The following TSPO2 variants were observed in gnomAD, a reference collection of about 807,000 sequenced individuals.
TSPO2 encodes benzodiazapine receptor (peripheral)-like 1.
TSPO2 carries 15 observed loss-of-function variants against 13.3 expected under a neutral mutation model. The observed-to-expected ratio is 1.13, with a 90% CI of 0.75 to 1.73. The LOEUF is 1.73. Ranked by LOEUF, TSPO2 falls within the 40% of genes most tolerant of loss-of-function variation. TSPO2 has a pLI of 0.00. For missense variants in TSPO2, 202 were observed against 198.3 expected, an observed-to-expected ratio of 1.02 and a Z score of -0.11; for synonymous variants, 81 against 91.6, an observed-to-expected ratio of 0.88 and a Z score of 0.66.
At position 41,043,483 on chromosome 6, in the gene TSPO2, T is replaced by A; in HGVS notation, c.174-74T>A. ...AGCCCACAAGGGTATCCAAGAGTCC[T>A]TATGCCAGAGAGCCTCCTCCATTTG... On this transcript the variant is annotated intron_variant, in intron 2 of 3. Coordinates refer to ENST00000373161, the MANE Select transcript of TSPO2 (RefSeq NM_001010873.3). 2.6e-6 allele frequency: 4 copies of A among 1,516,610 alleles called. No homozygotes were observed. The South Asian group carries it at 5.2e-5, about 20-fold the overall frequency. The allele number at this position is 1,516,610 out of a possible 1,614,324, so 93.9% of individuals were successfully genotyped here. A position where few individuals can be genotyped will look rare whatever the true frequency, so the allele number is the denominator to read the frequency against.
At chr6:41,043,811 C>G (rs566991951) in intron 3 of TSPO2, 113 bp downstream of exon 3, 1 of 1,529,252 alleles carries the variant, frequency 6.5e-7, no homozygotes, top group Non-Finnish European at 8.9e-7. Context: ...AATGGGTGGG[C>G]AGACTTCTCT....
intron 2 of TSPO2, 129 bp from the exon 3 acceptor site, chr6:41,043,428 A>G: frequency 4.8e-6 from 6 of 1,256,982 alleles, no homozygotes; most frequent in Non-Finnish European, 6.6e-6. Flanking sequence ...TGGCCCTTAC[A>G]TGATGCCTAA....
At chr6:41,042,429 G>T (rs1481821859), upstream of TSPO2, 6 of 274,942 alleles carry the variant, frequency 2.2e-5, no homozygotes, top group Non-Finnish European at 4.4e-5. Flanking sequence ...TGGGCCCCAT[G>T]AGTGTGCCAG....
At position 41,044,333 on chromosome 6, in the gene TSPO2, C is replaced by A. The variant is rs958391604; in HGVS notation, c.*196C>A. ...AAATAATAAAATCCTATTAGTAACTCTGAAGGTATGATGTGAAGTGTGTAT... is the reference window on the plus strand; with the variant it reads ...AAATAATAAAATCCTATTAGTAACTATGAAGGTATGATGTGAAGTGTGTAT... On this transcript the variant is annotated 3_prime_UTR_variant, in exon 4 of 4. Coordinates refer to ENST00000373161, the MANE Select transcript of TSPO2 (RefSeq NM_001010873.3). The A allele has an allele frequency of 3.3e-6, 2 of 602,378 alleles. No individual in the cohort carries two copies. The highest frequency in any genetic ancestry group is 5.6e-5 in the East Asian group (2 of 35,606). 37.3% of individuals were successfully genotyped at this position (602,378 alleles called of 1,614,324 possible). A position where few individuals can be genotyped will look rare whatever the true frequency, so the allele number is the denominator to read the frequency against.
At chr6:41,043,286 T>A (rs1718293558) in intron 2 of TSPO2, 128 bp downstream of exon 2, 6 of 1,200,304 alleles carry the variant, frequency 5.0e-6, no homozygotes, top group Non-Finnish European at 1.2e-6. Context: ...ACCACCATAG[T>A]GGGTCCTCCA....
intron 1 of TSPO2, 42 bp downstream of exon 1, chr6:41,042,820 G>C (rs969947421): frequency 2.2e-5 from 17 of 780,484 alleles, no homozygotes; most frequent in Non-Finnish European, 3.1e-5. Flanking sequence ...TACAGGACTG[G>C]AGCTGGGCCA....
chr6:41,042,524 C>A lies in TSPO2; in HGVS notation c.-275C>A, dbSNP rs1350869731. On this transcript the variant is annotated 5_prime_UTR_variant, in exon 1 of 4. Transcript: ENST00000373161. ...GTCCCCAGGAATTTCTGGCTCCTGC[C>A]TTCAGATTGTGAACTTTCCAGGTTG... is the stretch of plus-strand genomic sequence containing the variant. 8.6e-6 allele frequency: 3 copies of A among 348,118 alleles called. No individual in the cohort carries two copies. Among genetic ancestry groups the A allele is most frequent in the Non-Finnish European group, 1.7e-5 (3 of 176,058 alleles). 21.6% of individuals were successfully genotyped at this position (348,118 alleles called of 1,614,324 possible).
rs763921799 is a variant in TSPO2, at chr6:41,043,932, A to G, written c.316-8A>G. On this transcript the variant is annotated splice_region_variant and splice_polypyrimidine_tract_variant and intron_variant, in intron 3 of 3. Transcript: ENST00000373161. The stretch of plus-strand genomic sequence containing the variant: ...GGCAGCCAGCTGACCCCCGGCCTCT[A>G]TGCCCAGGCCCTGCTGCACCTGCTG... 3 of 1,611,938 alleles carry G rather than the reference A, an allele frequency of 1.9e-6. No homozygotes were observed. In the East Asian group the frequency reaches 6.7e-5, roughly 36 times the overall value.
intron 3 of TSPO2, 95 bp from the exon 4 acceptor site, chr6:41,043,845 C>T: frequency 6.5e-7 from 1 of 1,529,410 alleles, no homozygotes; most frequent in East Asian, 2.3e-5. Context: ...GTGCACAGAG[C>T]CCCAGGGACT....
chr6:41,043,551 C>A lies in TSPO2; in HGVS notation c.174-6C>A, dbSNP rs1762624509. The A allele has an allele frequency of 6.4e-7, 1 of 1,570,282 alleles. No individual in the cohort carries two copies. Among genetic ancestry groups the A allele is most frequent in the African/African-American group, 1.4e-5 (1 of 73,108 alleles). On this transcript the variant is annotated splice_polypyrimidine_tract_variant and splice_region_variant and intron_variant, in intron 2 of 3. Coordinates refer to ENST00000373161, the MANE Select transcript of TSPO2 (RefSeq NM_001010873.3). ...ACTGAATGTTTTTGCCACCATGTCT[C>A]CACAGCTATGCCTCCTACCTGGTGT...
In TSPO2 at chr6:41,043,606, C is replaced by T. The variant is rs745544709; in HGVS notation, c.223C>T (p.Pro75Ser). ...WKDLGGGLGW[P>S]LALPLGLYAV... ...GGACCTGGGAGGGGGCTTGGGGTGGCCCCTGGCCCTGCCTCTTGGCCTCTA... is the reference window on the plus strand; with the variant it reads ...GGACCTGGGAGGGGGCTTGGGGTGGTCCCTGGCCCTGCCTCTTGGCCTCTA... The change falls in exon 3 of 4, where the codon CCC becomes TCC. Residue 75 changes from proline (P) to serine (S), a missense_variant. Physicochemically the swap from Pro to Ser is moderately conservative, Grantham distance 74. Coordinates refer to ENST00000373161, the MANE Select transcript of TSPO2 (RefSeq NM_001010873.3). The T allele has an allele frequency of 7.4e-6, 12 of 1,612,720 alleles. No individual in the cohort carries two copies. In the South Asian group the frequency reaches 8.8e-5, roughly 12 times the overall value.
Position 41,043,123 on chromosome 6 carries a change from A to T in TSPO2, c.138A>T (p.Leu46Phe), listed in dbSNP as rs1201658073. 9 of 1,613,782 alleles carry T rather than the reference A, an allele frequency of 5.6e-6. No homozygotes were observed. The highest frequency in any genetic ancestry group is 7.6e-6 in the Non-Finnish European group (9 of 1,179,938). ...CCTGGTGCCCATTCTACAAAGTCTT[A>T]TTGCTTGTACAGACAGCCATCTACT... The part of the protein sequence containing the change: ...MLSWCPFYKV[L>F]LLVQTAIYSV... The change falls in exon 2 of 4, where the codon TTA becomes TTT. Residue 46 changes from leucine to phenylalanine, a missense_variant. Transcript: ENST00000373161.
chr6:41,043,982 A>C lies in TSPO2; in HGVS notation c.358A>C (p.Thr120Pro). The stretch of plus-strand genomic sequence containing the variant: ...GCTGCTGTATGGGCTGGTGGTGAGC[A>C]CAGCACTGATCTGGCATCCCATCAA... ...LLLLYGLVVSTALIWHPINKL... is the reference protein window; with the variant it reads ...LLLLYGLVVSPALIWHPINKL... The change falls in exon 4 of 4, where the codon ACA becomes CCA. Residue 120 changes from threonine (T) to proline (P), a missense_variant. Physicochemically the swap from Thr to Pro is conservative, Grantham distance 38. Transcript: ENST00000373161. 1.2e-6 allele frequency: 2 copies of C among 1,614,098 alleles called. No homozygotes were observed. The highest frequency in any genetic ancestry group is 1.7e-6 in the Non-Finnish European group (2 of 1,179,976).
At chr6:41,042,034 AGATT>A (rs1037008132), upstream of TSPO2, among the ~76,000 whole-genome samples, 23 of 152,290 alleles carry the variant, frequency 1.5e-4, no homozygotes, top group Middle Eastern at 3.4e-3. Flanking sequence ...GAAAATAATC[AGATT>A]GTTTTCTCTC....
In TSPO2 at chr6:41,043,992, T is replaced by G; in HGVS notation, c.368T>G (p.Ile123Ser). ...LYGLVVSTALIWHPINKLAAL... is the reference protein window; with the variant it reads ...LYGLVVSTALSWHPINKLAAL... ...GGGCTGGTGGTGAGCACAGCACTGATCTGGCATCCCATCAACAAACTGGCT... is the reference window on the plus strand; with the variant it reads ...GGGCTGGTGGTGAGCACAGCACTGAGCTGGCATCCCATCAACAAACTGGCT... Residue 123 changes from isoleucine to serine, a missense_variant, in exon 4 of 4, where the codon ATC (isoleucine) becomes AGC (serine). Transcript: ENST00000373161. The G allele has an allele frequency of 1.9e-6, 3 of 1,614,122 alleles. No individual in the cohort carries two copies. The highest frequency in any genetic ancestry group is 1.7e-6 in the Non-Finnish European group (2 of 1,179,992).
In TSPO2 at chr6:41,043,978, G is replaced by A. The variant is rs1231835063; in HGVS notation, c.354G>A (p.Val118=). Residue 118 remains valine (V), a synonymous_variant, in exon 4 of 4, where the codon GTG becomes GTA. Coordinates refer to ENST00000373161, the MANE Select transcript of TSPO2 (RefSeq NM_001010873.3). ...LHLLLLYGLV[V]STALIWHPIN... is the part of the protein sequence containing the mutation. ...TGCTGCTGCTGTATGGGCTGGTGGTGAGCACAGCACTGATCTGGCATCCCA... is the reference window on the plus strand; with the variant it reads ...TGCTGCTGCTGTATGGGCTGGTGGTAAGCACAGCACTGATCTGGCATCCCA... 3 of 1,613,952 alleles carry A rather than the reference G, an allele frequency of 1.9e-6. No individual in the cohort carries two copies. Among genetic ancestry groups the A allele is most frequent in the African/African-American group, 2.7e-5 (2 of 74,934 alleles).
rs759181479 is a variant in TSPO2, at chr6:41,044,175, G to C, written c.*38G>C. The C allele has an allele frequency of 6.2e-7, 1 of 1,608,382 alleles. No individual in the cohort carries two copies. Among genetic ancestry groups the C allele is most frequent in the Non-Finnish European group, 8.5e-7 (1 of 1,175,632 alleles). On this transcript the variant is annotated 3_prime_UTR_variant, in exon 4 of 4. Transcript: ENST00000373161. ...TGGGAGAGGAGGGACGCCCAGGGTG[G>C]GGAGGAAGAGTCTGCAAGCAGGGCT...
upstream of TSPO2, among the ~76,000 whole-genome samples, chr6:41,041,729 A>G (rs1232616246): frequency 6.6e-6 from 1 of 152,202 alleles, no homozygotes; most frequent in African/African-American, 2.4e-5. Flanking sequence ...TAATCCCAGC[A>G]CTTTGGGAGG....
At chr6:41,041,626 C>T (rs1291213596), upstream of TSPO2, among the ~76,000 whole-genome samples, 1 of 152,248 alleles carries the variant, frequency 6.6e-6, no homozygotes, top group African/African-American at 2.4e-5. Flanking sequence ...GGTGGGCATG[C>T]TGCTCAGCTC....
Sources: allele counts gnomAD v4.1 joint callset (sites outside exome capture counted in the v4.1 genomes callset), GRCh38; gene constraint gnomAD v4.1.1; transcripts MANE v1.5; gene names NCBI Gene and HGNC (gene_info 2026-07-23, HGNC 2026-07-21).